RAPGEF6: variants seen among roughly 807,000 people sequenced by gnomAD.
The protein encoded by RAPGEF6 is Rap guanine nucleotide exchange factor 6.
A neutral mutation model predicts 171.4 loss-of-function variants in RAPGEF6; 56 were observed. The observed-to-expected ratio is 0.33, with a 90% CI of 0.26 to 0.41. The LOEUF is 0.41. Ranked by LOEUF, RAPGEF6 falls within the 10% of genes least tolerant of loss-of-function variation. The pLI is 1.00. For synonymous variants in RAPGEF6, 692 were observed against 650.1 expected, an observed-to-expected ratio of 1.06 and a Z score of -0.98; for missense variants, 1,674 against 1,921.4, an observed-to-expected ratio of 0.87 and a Z score of 2.41.
intron 1 of RAPGEF6, among the ~76,000 whole-genome samples, chr5:131,616,186 GT>G (rs1249691889): frequency 1.3e-5 from 2 of 152,142 alleles, no homozygotes; most frequent in African/African-American, 4.8e-5. Context: ...TCAGCCAGTA[GT>G]TTTTATAGCG....
intron 21 of RAPGEF6, among the ~76,000 whole-genome samples, chr5:131,447,728 A>G (rs1370525194): frequency 6.6e-6 from 1 of 152,250 alleles, no homozygotes; most frequent in East Asian, 1.9e-4. Context: ...CTACTTTAAA[A>G]TAGACACTAA....
Position 131,635,024 on chromosome 5 carries a change from A to G in RAPGEF6, c.7T>C (p.Ser3Pro). The part of the protein sequence containing the change: MN[S>P]PVDPGARQAL... Reference sequence around the variant, plus strand: ...TGCCTAGCGCCAGGGTCCACGGGTGAGTTCATGGCCACGGCCCGGGTACTC... The same window carrying G: ...TGCCTAGCGCCAGGGTCCACGGGTGGGTTCATGGCCACGGCCCGGGTACTC... The change falls in exon 1 of 28, where the codon TCA becomes CCA. Residue 3 changes from serine to proline, a missense_variant. Ser to Pro is a moderately conservative substitution (Grantham distance 74). Transcript: ENST00000509018. 6.2e-7 allele frequency: 1 copy of G among 1,609,104 alleles called. No individual in the cohort carries two copies. The highest frequency in any genetic ancestry group is 1.1e-5 in the South Asian group (1 of 90,978).
At position 131,577,947 on chromosome 5, in the gene RAPGEF6, C is replaced by T. The variant is rs182701765; in HGVS notation, c.281+14436G>A. 3.9e-4 allele frequency among the ~76,000 whole-genome samples: 60 copies of T among 152,326 alleles called. 1 individual carries two copies. The highest frequency in any genetic ancestry group is 1.4e-3 in the African/African-American group (58 of 41,578). On this transcript the variant is annotated intron_variant, in intron 4 of 27. Coordinates refer to ENST00000509018, the MANE Select transcript of RAPGEF6 (RefSeq NM_016340.6). ...GCAGTCACCCCCACTACTTGGACTG[C>T]ACCCCAAAAACTTGTCATCCCTACT...
intron 4 of RAPGEF6, among the ~76,000 whole-genome samples, chr5:131,575,467 T>C (rs970127806): frequency 6.6e-6 from 1 of 152,122 alleles, no homozygotes; most frequent in Non-Finnish European, 1.5e-5. Context: ...CTTGGCATAG[T>C]CCTTCATCAA....
At chr5:131,472,878 A>G (rs968011814) in intron 16 of RAPGEF6, 134 bp from the exon 17 acceptor site, 1 of 719,770 alleles carries the variant, frequency 1.4e-6, no homozygotes, top group African/African-American at 1.8e-5. Flanking sequence ...TACTACAGCA[A>G]TTTTTAAAAG....
intron 9 of RAPGEF6, 50 bp from the exon 10 acceptor site, chr5:131,505,572 C>G (rs927416170): frequency 6.7e-7 from 1 of 1,498,720 alleles, no homozygotes; most frequent in Non-Finnish European, 9.1e-7. Context: ...AAGGTAGTTA[C>G]ATGTTAACTT....
chr5:131,585,275 GA>G lies in RAPGEF6; in HGVS notation c.281+7107del, dbSNP rs5871429. Among the ~76,000 whole-genome samples the G allele has an allele frequency of 9.9e-5, 14 of 141,658 alleles. 3 individuals carry two copies. The highest frequency in any genetic ancestry group is 3.5e-4 in the African/African-American group (13 of 37,358). The allele number at this position is 141,658 out of a possible 152,430, so 92.9% of individuals were successfully genotyped here. A position where few individuals can be genotyped will look rare whatever the true frequency, so the allele number is the denominator to read the frequency against. On this transcript the variant is annotated intron_variant, in intron 4 of 27. Transcript: ENST00000509018. ...AAACAAGAAAAGTTCTAGAAAATAA[GA>G]AAAAAAAAAAACTATACATACATAC...
chr5:131,519,925 C>CT (rs1271758017), intron 7 of RAPGEF6, among the ~76,000 whole-genome samples: 3 of 152,150 alleles, frequency 2.0e-5, no homozygotes, highest in Non-Finnish European at 4.4e-5. Flanking sequence ...GGTGCCAGAG[C>CT]TATTGTATTA....
intron 5 of RAPGEF6, among the ~76,000 whole-genome samples, chr5:131,551,882 T>A (rs535864602): frequency 1.3e-5 from 2 of 152,246 alleles, no homozygotes; most frequent in Admixed American, 6.5e-5. Flanking sequence ...TGAATATAAC[T>A]GAATTGTGGT....
intron 4 of RAPGEF6, among the ~76,000 whole-genome samples, chr5:131,568,550 C>T (rs1346953014): frequency 6.6e-6 from 1 of 152,102 alleles, no homozygotes; most frequent in African/African-American, 2.4e-5. Flanking sequence ...AACTCCTGGC[C>T]TCAAGTGATC....
At chr5:131,487,270 C>T (rs905620753) in intron 15 of RAPGEF6, among the ~76,000 whole-genome samples, 1 of 152,158 alleles carries the variant, frequency 6.6e-6, no homozygotes, top group African/African-American at 2.4e-5. Flanking sequence ...AAAGAGTGAG[C>T]AGCAGCAAGA....
intron 7 of RAPGEF6, among the ~76,000 whole-genome samples, chr5:131,520,984 T>C (rs1436971733): frequency 6.6e-6 from 1 of 152,228 alleles, no homozygotes; most frequent in African/African-American, 2.4e-5. Context: ...ACAGAGGCTT[T>C]ATGGTAGAAA....
chr5:131,490,105 A>G (rs1386934212), intron 14 of RAPGEF6, among the ~76,000 whole-genome samples: 1 of 152,220 alleles, frequency 6.6e-6, no homozygotes, highest in Non-Finnish European at 1.5e-5. Context: ...CACTGATTGA[A>G]TCAGGCAGCC....
At chr5:131,584,038 GGAA>G (rs1763111179) in intron 4 of RAPGEF6, among the ~76,000 whole-genome samples, 1 of 152,146 alleles carries the variant, frequency 6.6e-6, no homozygotes, top group Non-Finnish European at 1.5e-5. Flanking sequence ...AAGGGAGCAG[GGAA>G]CTATGAGAGG....
At chr5:131,510,293 G>T (rs761450818) in intron 8 of RAPGEF6, 21 bp downstream of exon 8, 1 of 1,591,276 alleles carries the variant, frequency 6.3e-7, no homozygotes, top group East Asian at 2.2e-5. Flanking sequence ...AATTCTTATT[G>T]TGAACACATA....
intron 12 of RAPGEF6, among the ~76,000 whole-genome samples, chr5:131,495,916 C>A (rs1022250614): frequency 2.0e-5 from 3 of 152,218 alleles, no homozygotes; most frequent in Non-Finnish European, 4.4e-5. Context: ...AAAAGAAGTA[C>A]ACAGAATGTC....
At chr5:131,445,564 T>C (rs1045929311) in intron 22 of RAPGEF6, among the ~76,000 whole-genome samples, 2 of 151,508 alleles carry the variant, frequency 1.3e-5, no homozygotes, top group Admixed American at 6.6e-5. Context: ...TTTAACCCAC[T>C]GCGTGTGTCT....
chr5:131,626,652 TTA>T (rs1765949277), intron 1 of RAPGEF6, among the ~76,000 whole-genome samples: 1 of 152,032 alleles, frequency 6.6e-6, no homozygotes, highest in South Asian at 2.1e-4. Context: ...TTTATTACAT[TTA>T]TGTTTTCTTA....
At chr5:131,605,887 G>A (rs887689310) in intron 1 of RAPGEF6, among the ~76,000 whole-genome samples, 5 of 151,784 alleles carry the variant, frequency 3.3e-5, no homozygotes, top group East Asian at 1.9e-4. Context: ...AAAATTAGCC[G>A]GGTATGGTGG....
Sources: allele counts gnomAD v4.1 joint callset (sites outside exome capture counted in the v4.1 genomes callset), GRCh38; gene constraint gnomAD v4.1.1; transcripts MANE v1.5; gene names NCBI Gene and HGNC (gene_info 2026-07-23, HGNC 2026-07-21).